IL3RA: variants seen among roughly 807,000 people sequenced by gnomAD.
IL3RA encodes interleukin-3 receptor subunit alpha.
In IL3RA, 73 loss-of-function variants were observed where a neutral mutation model predicts 52.3. The ratio of observed to expected loss-of-function variants is 1.40; its 90% CI spans 1.16 to 1.70. IL3RA has a LOEUF of 1.70. IL3RA is among the 40% of genes most tolerant of loss of function. The pLI is 0.00. For synonymous variants in IL3RA, 260 were observed against 194.0 expected, an observed-to-expected ratio of 1.34 and a Z score of -2.83; for missense variants, 664 against 504.4, an observed-to-expected ratio of 1.32 and a Z score of -3.03.
At chrX:1,377,578 C>T (rs1405671083) in intron 9 of IL3RA, among the ~76,000 whole-genome samples, 1 of 151,836 alleles carries the variant, frequency 6.6e-6, no homozygotes, top group Non-Finnish European at 1.5e-5. Context: ...AGCTGTGGGA[C>T]TTTTTTATGG....
At chrX:1,351,890 A>AG (rs2086101014) in intron 4 of IL3RA, among the ~76,000 whole-genome samples, 1 of 152,058 alleles carries the variant, frequency 6.6e-6, no homozygotes, top group Admixed American at 6.6e-5. Flanking sequence ...TCGGCCTCCC[A>AG]AAGTGCTGGG....
intron 8 of IL3RA, among the ~76,000 whole-genome samples, chrX:1,364,799 TTTATTTA>T (rs1569525898): frequency 1.1e-3 from 158 of 147,994 alleles, no homozygotes; most frequent in South Asian, 9.5e-3. Context: ...CTTTTATTTA[TTTATTTA>T]TTTATTTATT....
intron 8 of IL3RA, among the ~76,000 whole-genome samples, chrX:1,361,377 A>G (rs1176393525): frequency 2.0e-5 from 3 of 152,150 alleles, no homozygotes; most frequent in African/African-American, 7.2e-5. Flanking sequence ...TCACAGTTCC[A>G]TGTGGCTGGG....
chrX:1,341,664 C>T (rs1212858714), intron 1 of IL3RA, 64 bp from the exon 2 acceptor site: 2 of 1,350,014 alleles, frequency 1.5e-6, no homozygotes, highest in African/African-American at 2.9e-5. Flanking sequence ...GGCAAGCATC[C>T]TTCATTACCC....
intron 6 of IL3RA, among the ~76,000 whole-genome samples, chrX:1,353,175 T>A (rs113846525): frequency 1.5e-4 from 21 of 141,022 alleles, no homozygotes; most frequent in African/African-American, 5.1e-4. Flanking sequence ...GTGGGTTCCA[T>A]CATGGGTCAT....
rs749068374 is a variant in IL3RA, at chrX:1,348,483, C to T, written c.236C>T (p.Thr79Ile). The change falls in exon 4 of 12, where the codon ACC becomes ATC. Residue 79 changes from threonine (T) to isoleucine (I), a missense_variant. Physicochemically the swap from Thr to Ile is moderately conservative, Grantham distance 89 (BLOSUM62 -1). Coordinates refer to ENST00000331035, the MANE Select transcript of IL3RA (RefSeq NM_002183.4). ...QFGAISLCEV[T>I]NYTVRVANPP... ...GGAGCAATTTCCTTATGTGAAGTGA[C>T]CAACTACACCGTCCGAGTGGCCAAC... 2.2e-5 allele frequency: 36 copies of T among 1,613,786 alleles called. 1 individual carries two copies. In the South Asian group the frequency reaches 3.8e-4, roughly 17 times the overall value.
rs181556772 is a variant in IL3RA at position 1,379,408 on chromosome X, G to A, written c.980+644G>A. ...TGGCCTCAAGTGATCCCCCAGCCTC[G>A]GCCTCCCAAAGTGCTGGGATTACAG... On this transcript the variant is annotated intron_variant, in intron 10 of 11. Transcript: ENST00000331035. Among the ~76,000 whole-genome samples, 367 of 150,312 alleles carry A rather than the reference G, an allele frequency of 2.4e-3. 1 individual carries two copies. Among genetic ancestry groups the A allele is most frequent in the Non-Finnish European group, 4.2e-3 (284 of 67,458 alleles).
At chrX:1,337,790 AG>A (rs1462894507) in intron 1 of IL3RA, among the ~76,000 whole-genome samples, 1 of 149,962 alleles carries the variant, frequency 6.7e-6, no homozygotes, top group African/African-American at 2.5e-5. Context: ...AATGTGGTCC[AG>A]CCACACAGTG....
At chrX:1,363,123 C>CT (rs1292785199) in intron 8 of IL3RA, among the ~76,000 whole-genome samples, 3 of 151,670 alleles carry the variant, frequency 2.0e-5, no homozygotes, top group African/African-American at 7.3e-5. Flanking sequence ...TTAGGGCCCC[C>CT]CCTGATCCAA....
intron 6 of IL3RA, among the ~76,000 whole-genome samples, chrX:1,354,064 G>C (rs1209048929): frequency 2.0e-5 from 3 of 146,594 alleles, no homozygotes; most frequent in African/African-American, 7.6e-5. Flanking sequence ...CCCACCATGG[G>C]TCATGGGAGC....
intron 9 of IL3RA, 24 bp from the exon 10 acceptor site, chrX:1,378,635 G>A (rs768675843): frequency 1.2e-6 from 2 of 1,603,976 alleles, no homozygotes; most frequent in East Asian, 2.2e-5. Context: ...CCCGGTCTGT[G>A]ACCCTCTCAC....
chrX:1,359,479 TTC>T (rs1192378594), intron 8 of IL3RA, among the ~76,000 whole-genome samples: 2 of 149,352 alleles, frequency 1.3e-5, no homozygotes, highest in South Asian at 2.2e-4. Flanking sequence ...CTCCCTCTCT[TTC>T]TCTCTCTCTC....
chrX:1,379,349 T>C (rs1435733958), intron 10 of IL3RA, among the ~76,000 whole-genome samples: 2 of 151,814 alleles, frequency 1.3e-5, no homozygotes, highest in Non-Finnish European at 2.9e-5. Flanking sequence ...GGAGACGGGG[T>C]TTCACCATGT....
chrX:1,359,187 C>T (rs1311775686), intron 8 of IL3RA, among the ~76,000 whole-genome samples: 2 of 151,890 alleles, frequency 1.3e-5, no homozygotes, highest in African/African-American at 4.8e-5. Context: ...TATGGCTGGC[C>T]AGGTGCTGTC....
chrX:1,348,393 G>C (rs776374560), intron 3 of IL3RA, 38 bp from the exon 4 acceptor site: 1 of 1,463,580 alleles, frequency 6.8e-7, no homozygotes. Flanking sequence ...ATTAAGCATG[G>C]TCTGTCAGCA....
At chrX:1,344,127 C>T (rs1200865893) in intron 2 of IL3RA, among the ~76,000 whole-genome samples, 1 of 152,014 alleles carries the variant, frequency 6.6e-6, no homozygotes, top group African/African-American at 2.4e-5. Context: ...CAGAAGTCTC[C>T]TGTGTACATA....
chrX:1,381,961 T>C (rs1235787530), intron 11 of IL3RA, among the ~76,000 whole-genome samples: 1 of 151,540 alleles, frequency 6.6e-6, no homozygotes, highest in African/African-American at 2.4e-5. Context: ...TGTTTTTGTT[T>C]TTGAGACGCA....
In IL3RA at chrX:1,345,357, G is replaced by T. The variant is rs1341832221; in HGVS notation, c.106G>T (p.Ala36Ser). The change falls in exon 3 of 12, where the codon GCT becomes TCT. Residue 36 changes from alanine to serine, a missense_variant. By Grantham distance (99) the Ala-to-Ser change is moderately conservative (BLOSUM62 1). Coordinates refer to ENST00000331035, the MANE Select transcript of IL3RA (RefSeq NM_002183.4). ...PITNLRMKAK[A>S]QQLTWDLNRN... The stretch of plus-strand genomic sequence containing the variant: ...CACGAACCTAAGGATGAAAGCAAAG[G>T]CTCAGCAGTTGACCTGGGACCTTAA... The T allele has an allele frequency of 1.9e-6, 3 of 1,611,468 alleles. No individual in the cohort carries two copies. The highest frequency in any genetic ancestry group is 1.1e-5 in the South Asian group (1 of 90,818).
chrX:1,354,326 G>A (rs17883415), intron 6 of IL3RA, among the ~76,000 whole-genome samples: 1,975 of 152,094 alleles, frequency 0.013, 42 homozygotes, highest in African/African-American at 0.046. Flanking sequence ...CACGATACCC[G>A]AGCTCCGAGG....
Sources: gnomAD v4.1 joint callset for allele counts (sites outside exome capture counted in the v4.1 genomes callset) on GRCh38, gnomAD v4.1.1 for gene constraint, MANE v1.5 for transcripts, NCBI Gene and HGNC (gene_info 2026-07-23, HGNC 2026-07-21) for gene names.